Variants in ZC2HC1B observed in about 807,000 individuals in gnomAD.
ZC2HC1B encodes zinc finger C2HC domain-containing protein 1B.
Under a neutral mutation model 31.0 loss-of-function variants are expected in ZC2HC1B, and 36 were observed. That is an observed-to-expected ratio of 1.16 (90% CI 0.89 to 1.54). The LOEUF is 1.54. Among genes scored for constraint, ZC2HC1B ranks in the 40% most tolerant of loss-of-function variants. The probability of loss-of-function intolerance (pLI) is 0.00; values close to 1 mark genes in which losing one functional copy is unlikely to be tolerated. For synonymous variants in ZC2HC1B, 73 were observed against 88.0 expected (o/e 0.83, Z 0.95); for missense variants, 260 against 268.6 (o/e 0.97, Z 0.22).
chr6:143,900,404 A>G (rs991489153), intron 5 of ZC2HC1B, among the ~76,000 whole-genome samples: 2 of 151,712 alleles, frequency 1.3e-5, no homozygotes, highest in African/African-American at 4.8e-5. Flanking sequence ...AAAAAAAAAA[A>G]AGAAAAAGAA....
chr6:143,916,260 G>A lies in ZC2HC1B; in HGVS notation c.598+13108G>A, dbSNP rs151198302. 2.0e-3 allele frequency among the ~76,000 whole-genome samples: 309 copies of A among 152,332 alleles called. 5 individuals carry two copies. Among genetic ancestry groups the A allele is most frequent in the East Asian group, 0.012 (61 of 5,176 alleles). On this transcript the variant is annotated intron_variant, in intron 6 of 7. Coordinates refer to ENST00000237275, the MANE Select transcript of ZC2HC1B (RefSeq NM_001013623.3). Reference sequence around the variant, plus strand: ...TCCACGTGGTGTTGAGCCTGTGGGTGCACAGAAGTCAAGAACTGAGGTTTG... The same window carrying A: ...TCCACGTGGTGTTGAGCCTGTGGGTACACAGAAGTCAAGAACTGAGGTTTG...
At position 143,921,828 on chromosome 6, in the gene ZC2HC1B, A is replaced by T. The variant is rs1777988233; in HGVS notation, c.599-15821A>T. On this transcript the variant is annotated intron_variant, in intron 6 of 7. Coordinates refer to ENST00000237275, the MANE Select transcript of ZC2HC1B (RefSeq NM_001013623.3). The surrounding 1 kb of genome is among the most constrained non-coding windows in gnomAD (Gnocchi z 6.1). ...CCACTTGTAGCTCTTGCTACCCAGG[A>T]GACTGAGGTGGGAGGATTGCTTGAG... Among the ~76,000 whole-genome samples, 1 of 152,190 alleles carries T rather than the reference A, an allele frequency of 6.6e-6. No homozygotes were observed. Among genetic ancestry groups the T allele is most frequent in the African/African-American group, 2.4e-5 (1 of 41,452 alleles).
At position 143,934,436 on chromosome 6, in the gene ZC2HC1B, T is replaced by C. The variant is rs1778154421; in HGVS notation, c.599-3213T>C. Among the ~76,000 whole-genome samples the C allele has an allele frequency of 6.6e-6, 1 of 152,256 alleles. No homozygotes were observed. The highest frequency in any genetic ancestry group is 1.5e-5 in the Non-Finnish European group (1 of 68,044). ...TAATATTATGATTTTGAATTCCTTT[T>C]CTGGCATTTCATCAATTTTTTTGTT... On this transcript the variant is annotated intron_variant, in intron 6 of 7. Transcript: ENST00000237275. This position sits in a 1 kb window ranked among gnomAD's most constrained non-coding sequence, Gnocchi z 4.6.
intron 1 of ZC2HC1B, among the ~76,000 whole-genome samples, chr6:143,867,898 C>G (rs1777285717): frequency 6.6e-6 from 1 of 152,200 alleles, no homozygotes; most frequent in Non-Finnish European, 1.5e-5. Flanking sequence ...ATATCTCATT[C>G]ACATGCTTGT....
intron 1 of ZC2HC1B, among the ~76,000 whole-genome samples, chr6:143,875,960 C>T (rs1777403556): frequency 6.6e-6 from 1 of 150,662 alleles, no homozygotes; most frequent in South Asian, 2.1e-4. Flanking sequence ...CTCAGTGTCC[C>T]CAGCTTCATC....
rs1777706233 is a variant in ZC2HC1B, at chr6:143,899,203, C to A, written c.489+512C>A. On this transcript the variant is annotated intron_variant, in intron 5 of 7. Transcript: ENST00000237275. This position sits in a 1 kb window ranked among gnomAD's most constrained non-coding sequence, Gnocchi z 5.0. ...CATTAGGTGCAAATCAGTAAAATAA[C>A]AACCTGAAGTGGAAGACAGTAGATT... 6.6e-6 allele frequency among the ~76,000 whole-genome samples: 1 copy of A among 152,198 alleles called. No homozygotes were observed. Among genetic ancestry groups the A allele is most frequent in the Admixed American group, 6.5e-5 (1 of 15,278 alleles).
Position 143,917,425 on chromosome 6 carries a change from A to G in ZC2HC1B, c.598+14273A>G, listed in dbSNP as rs1437880610. On this transcript the variant is annotated intron_variant, in intron 6 of 7. Coordinates refer to ENST00000237275, the MANE Select transcript of ZC2HC1B (RefSeq NM_001013623.3). This position sits in a 1 kb window ranked among gnomAD's most constrained non-coding sequence, Gnocchi z 4.1. Reference sequence around the variant, plus strand: ...TCCTTCCTCATTTCCTTTTGTATGTATAACTATTTTCTTAGTAGTTACCAT... The same window carrying G: ...TCCTTCCTCATTTCCTTTTGTATGTGTAACTATTTTCTTAGTAGTTACCAT... Among the ~76,000 whole-genome samples, 3 of 152,166 alleles carry G rather than the reference A, an allele frequency of 2.0e-5. No individual in the cohort carries two copies. Among genetic ancestry groups the G allele is most frequent in the African/African-American group, 4.8e-5 (2 of 41,440 alleles).
intron 1 of ZC2HC1B, among the ~76,000 whole-genome samples, chr6:143,874,920 C>T (rs546966779): frequency 6.6e-5 from 10 of 152,318 alleles, no homozygotes; most frequent in African/African-American, 2.2e-4. Context: ...GCAACCACCA[C>T]CTCCCAGGTT....
intron 4 of ZC2HC1B, among the ~76,000 whole-genome samples, chr6:143,898,116 C>G (rs1009633139): frequency 1.3e-5 from 2 of 152,218 alleles, no homozygotes; most frequent in Admixed American, 6.5e-5. Flanking sequence ...TTGGAATAGT[C>G]TCAAACCAGA....
At chr6:143,910,804 A>G (rs1247616195) in intron 6 of ZC2HC1B, among the ~76,000 whole-genome samples, 1 of 152,042 alleles carries the variant, frequency 6.6e-6, no homozygotes, top group East Asian at 1.9e-4. Context: ...CCCAGGCTGG[A>G]GTGCAGTGGC....
At chr6:143,882,362 A>ATATATATATG (rs1777480130) in intron 1 of ZC2HC1B, among the ~76,000 whole-genome samples, 1 of 139,392 alleles carries the variant, frequency 7.2e-6, no homozygotes, top group Admixed American at 7.0e-5. Flanking sequence ...ATATATATAT[A>ATATATATATG]TATATATTTA....
Position 143,884,231 on chromosome 6 carries a change from C to G in ZC2HC1B, c.29-73C>G. On this transcript the variant is annotated intron_variant, in intron 1 of 7. Transcript: ENST00000237275. The surrounding 1 kb of genome is among the most constrained non-coding windows in gnomAD (Gnocchi z 5.1). ...GAGGATATCAAGCTATTGAGGTCACCTCCAGTCAGTCATTTCTTCTCAGCG... is the reference window on the plus strand; with the variant it reads ...GAGGATATCAAGCTATTGAGGTCACGTCCAGTCAGTCATTTCTTCTCAGCG... 7.2e-7 allele frequency: 1 copy of G among 1,392,562 alleles called. No individual in the cohort carries two copies. The highest frequency in any genetic ancestry group is 9.8e-7 in the Non-Finnish European group (1 of 1,020,680). The allele number at this position is 1,392,562 out of a possible 1,614,324, so 86.3% of individuals were successfully genotyped here.
At chr6:143,879,143 C>G (rs944293722) in intron 1 of ZC2HC1B, among the ~76,000 whole-genome samples, 8 of 152,132 alleles carry the variant, frequency 5.3e-5, no homozygotes, top group African/African-American at 1.9e-4. Context: ...TACATGCTGT[C>G]CAGGAGTTGC....
intron 1 of ZC2HC1B, among the ~76,000 whole-genome samples, chr6:143,874,813 AATTT>A: frequency 6.6e-6 from 1 of 152,012 alleles, no homozygotes; most frequent in East Asian, 1.9e-4. Context: ...AAATCATATC[AATTT>A]ATTTATTTAT....
rs1777530297 is a variant in ZC2HC1B at position 143,886,353 on chromosome 6, A to T, written c.210+202A>T. Among the ~76,000 whole-genome samples, 1 of 152,198 alleles carries T rather than the reference A, an allele frequency of 6.6e-6. No homozygotes were observed. Among genetic ancestry groups the T allele is most frequent in the Admixed American group, 6.5e-5 (1 of 15,278 alleles). On this transcript the variant is annotated intron_variant, in intron 3 of 7. Coordinates refer to ENST00000237275, the MANE Select transcript of ZC2HC1B (RefSeq NM_001013623.3). The surrounding 1 kb of genome is among the most constrained non-coding windows in gnomAD (Gnocchi z 4.2). ...TATTTTCCAGATGTAGCAAAAAATA[A>T]TCTTGTTTATGTTTTCATTAGAGTG...
chr6:143,931,098 G>A (rs1020372033), intron 6 of ZC2HC1B, among the ~76,000 whole-genome samples: 2 of 152,084 alleles, frequency 1.3e-5, no homozygotes, highest in Admixed American at 6.5e-5. Flanking sequence ...TTTAAAGTCT[G>A]TTTTGTTTGA....
Position 143,885,306 on chromosome 6 carries a change from T to A in ZC2HC1B, c.91-726T>A, listed in dbSNP as rs186556717. ...TGGTTGTGGCCCTGTAGTCCACCAG[T>A]GTGTGTCACTGCCTTTGCCAGACTG... On this transcript the variant is annotated intron_variant, in intron 2 of 7. Transcript: ENST00000237275. This position sits in a 1 kb window ranked among gnomAD's most constrained non-coding sequence, Gnocchi z 4.2. 1.3e-5 allele frequency among the ~76,000 whole-genome samples: 2 copies of A among 152,308 alleles called. No homozygotes were observed. The highest frequency in any genetic ancestry group is 3.9e-4 in the East Asian group (2 of 5,188).
intron 1 of ZC2HC1B, among the ~76,000 whole-genome samples, chr6:143,873,102 A>G (rs1470760838): frequency 6.6e-6 from 1 of 152,226 alleles, no homozygotes; most frequent in East Asian, 1.9e-4. Context: ...CCTAGATAAA[A>G]TGAGGGTGCA....
In ZC2HC1B at chr6:143,934,794, G is replaced by A. The variant is rs1778157509; in HGVS notation, c.599-2855G>A. On this transcript the variant is annotated intron_variant, in intron 6 of 7. Coordinates refer to ENST00000237275, the MANE Select transcript of ZC2HC1B (RefSeq NM_001013623.3). This position sits in a 1 kb window ranked among gnomAD's most constrained non-coding sequence, Gnocchi z 4.6. ...GTGGTGAGGCTTTGCTGGGGATGGG[G>A]ACACAAGGTGAGCTGGTCTTCAGGC... Among the ~76,000 whole-genome samples the A allele has an allele frequency of 6.6e-6, 1 of 152,156 alleles. No homozygotes were observed. Among genetic ancestry groups the A allele is most frequent in the Admixed American group, 6.5e-5 (1 of 15,280 alleles).
Sources: gnomAD v4.1 joint callset for allele counts (sites outside exome capture counted in the v4.1 genomes callset) on GRCh38, gnomAD v4.1.1 for gene constraint, Gnocchi (gnomAD v3.1) non-coding constraint, MANE v1.5 for transcripts, NCBI Gene and HGNC (gene_info 2026-07-23, HGNC 2026-07-21) for gene names.